Variants in EHBP1 observed in about 807,000 individuals in gnomAD.
EHBP1 encodes the protein EH domain-binding protein 1.
EHBP1 carries 55 observed loss-of-function variants against 144.0 expected under a neutral mutation model. The ratio of observed to expected loss-of-function variants is 0.38; its 90% CI spans 0.31 to 0.48. EHBP1 has a LOEUF of 0.48. Among genes scored for constraint, EHBP1 ranks in the 20% least tolerant of loss-of-function variants. The probability of loss-of-function intolerance (pLI) is 0.98; values close to 1 mark genes in which losing one functional copy is unlikely to be tolerated. For missense variants in EHBP1, 1,200 were observed against 1,364.2 expected (o/e 0.88, Z 1.90); for synonymous variants, 469 against 472.7 (o/e 0.99, Z 0.10).
chr2:62,973,310 T>C (rs1469848914), intron 14 of EHBP1, among the ~76,000 whole-genome samples: 1 of 152,264 alleles, frequency 6.6e-6, no homozygotes, highest in Non-Finnish European at 1.5e-5. Flanking sequence ...ACACTTAAAC[T>C]TAGTTGCCTG....
rs373189396 is a variant in EHBP1 at position 62,870,539 on chromosome 2, A to AC, written c.999-3799dup. Among the ~76,000 whole-genome samples the AC allele has an allele frequency of 1.1e-3, 159 of 149,742 alleles. 2 individuals are homozygous for AC. The highest frequency in any genetic ancestry group is 2.4e-3 in the African/African-American group (98 of 40,682). On this transcript the variant is annotated intron_variant, in intron 9 of 22. Coordinates refer to ENST00000431489, the MANE Select transcript of EHBP1 (RefSeq NM_001142616.3). ...AGACCAGCCTGACCAACATGGTGAG[A>AC]CCCCCCCCATCTACTAAAAATACAA... is the stretch of plus-strand genomic sequence containing the variant.
chr2:62,805,468 CTTTT>C (rs199557281), intron 5 of EHBP1, among the ~76,000 whole-genome samples: 2 of 123,798 alleles, frequency 1.6e-5, no homozygotes, highest in Non-Finnish European at 1.7e-5. Context: ...TTTGTATTTT[CTTTT>C]TTTTTTTTTT....
intron 1 of EHBP1, among the ~76,000 whole-genome samples, chr2:62,680,512 G>A (rs2033474617): frequency 6.6e-6 from 1 of 152,104 alleles, no homozygotes; most frequent in South Asian, 2.1e-4. Context: ...GAAGGGGGGA[G>A]GGGGGAAAAG....
chr2:62,830,941 T>G, intron 6 of EHBP1, 78 bp from the exon 7 acceptor site: 2 of 1,467,632 alleles, frequency 1.4e-6, no homozygotes, highest in Non-Finnish European at 1.9e-6. Context: ...AAGAAGGAAT[T>G]TATTGTTTTC....
intron 5 of EHBP1, among the ~76,000 whole-genome samples, chr2:62,785,328 G>A (rs145905135): frequency 6.8e-4 from 104 of 152,292 alleles, no homozygotes; most frequent in East Asian, 3.5e-3. Context: ...GATCAGATAG[G>A]CAACTGATTC....
Position 62,949,085 on chromosome 2 carries a change from C to G in EHBP1, c.2239C>G (p.Leu747Val), listed in dbSNP as rs554405952. 6.2e-7 allele frequency: 1 copy of G among 1,605,452 alleles called. No homozygotes were observed. The highest frequency in any genetic ancestry group is 8.5e-7 in the Non-Finnish European group (1 of 1,177,916). The change falls in exon 13 of 23, where the codon CTG becomes GTG. Residue 747 changes from leucine to valine, a missense_variant. This residue lies in a region of EHBP1 where 543 missense variants were observed against 513.1 expected (regional missense o/e 1.06). Coordinates refer to ENST00000431489, the MANE Select transcript of EHBP1 (RefSeq NM_001142616.3). ...LDLAKKKHAS[L>V]RQTESDPDAD... ...CCTTGCTAAGAAAAAACATGCTTCC[C>G]TGAGGCAGACGGAGTCTGATCCAGA...
chr2:62,805,684 G>A (rs1380644929), intron 5 of EHBP1, among the ~76,000 whole-genome samples: 1 of 151,724 alleles, frequency 6.6e-6, no homozygotes, highest in Admixed American at 6.6e-5. Context: ...CTGACTAATT[G>A]TTTTGTATTT....
chr2:63,020,682 T>C (rs1298165948), intron 19 of EHBP1, among the ~76,000 whole-genome samples: 6 of 151,756 alleles, frequency 4.0e-5, no homozygotes, highest in Admixed American at 2.6e-4. Flanking sequence ...TTCTTTCTTT[T>C]TTTTTTTGTT....
chr2:62,746,882 C>A (rs528545533), intron 2 of EHBP1, among the ~76,000 whole-genome samples: 1 of 151,974 alleles, frequency 6.6e-6, no homozygotes, highest in East Asian at 1.9e-4. Flanking sequence ...ATATACCTTG[C>A]CTATTTTTTC....
At chr2:62,876,864 G>A (rs532705276) in intron 10 of EHBP1, among the ~76,000 whole-genome samples, 2 of 152,134 alleles carry the variant, frequency 1.3e-5, no homozygotes, top group Admixed American at 6.5e-5. Flanking sequence ...TGGGAATTAC[G>A]ATTCGACATA....
At chr2:63,029,503 C>A (rs2061139388) in intron 19 of EHBP1, among the ~76,000 whole-genome samples, 1 of 150,750 alleles carries the variant, frequency 6.6e-6, no homozygotes, top group Non-Finnish European at 1.5e-5. Flanking sequence ...CCAGTTCCTG[C>A]CTCAGGGCTA....
Position 62,868,680 on chromosome 2 carries a change from G to T in EHBP1, c.998+3709G>T, listed in dbSNP as rs997833532. ...AAGAAAGGGGAGGCCAGGTGCAGTG[G>T]TTCATGCCTGTAATCTCAGCTACTC... On this transcript the variant is annotated intron_variant, in intron 9 of 22. Transcript: ENST00000431489. Among the ~76,000 whole-genome samples the T allele has an allele frequency of 4.6e-5, 7 of 152,116 alleles. 1 individual carries two copies. In the East Asian group the frequency reaches 1.2e-3, roughly 25 times the overall value.
intron 19 of EHBP1, among the ~76,000 whole-genome samples, chr2:63,030,524 A>G (rs923893489): frequency 4.6e-5 from 7 of 151,424 alleles, no homozygotes; most frequent in Non-Finnish European, 7.4e-5. Context: ...GTCTCGCTCT[A>G]TCGCCCAGGC....
intron 15 of EHBP1, among the ~76,000 whole-genome samples, chr2:62,986,425 A>G (rs1036481629): frequency 5.4e-5 from 8 of 148,400 alleles, no homozygotes; most frequent in Admixed American, 3.3e-4. Context: ...TGCATTTCTC[A>G]ATCTTGTTTC....
chr2:62,756,101 C>A (rs1321954876), intron 3 of EHBP1, among the ~76,000 whole-genome samples: 1 of 150,508 alleles, frequency 6.6e-6, no homozygotes, highest in Non-Finnish European at 1.5e-5. Context: ...TGGTGAAACC[C>A]CCTCTCTACA....
chr2:62,840,501 A>C (rs889656436), intron 7 of EHBP1, among the ~76,000 whole-genome samples: 2 of 149,724 alleles, frequency 1.3e-5, no homozygotes, highest in Non-Finnish European at 3.0e-5. Flanking sequence ...GATCTAATTA[A>C]ACTAAAGAGC....
intron 7 of EHBP1, among the ~76,000 whole-genome samples, chr2:62,836,751 G>A (rs1183619736): frequency 4.9e-5 from 7 of 141,842 alleles, no homozygotes; most frequent in African/African-American, 1.8e-4. Context: ...GATGGAAGAT[G>A]AAATGAATGA....
intron 3 of EHBP1, among the ~76,000 whole-genome samples, chr2:62,749,170 G>A (rs895993784): frequency 6.6e-6 from 1 of 151,598 alleles, no homozygotes; most frequent in Non-Finnish European, 1.5e-5. Context: ...TGTGTGTGAT[G>A]TTCCCCTTCC....
intron 5 of EHBP1, among the ~76,000 whole-genome samples, chr2:62,783,966 A>C (rs2042631034): frequency 6.6e-6 from 1 of 152,224 alleles, no homozygotes; most frequent in Non-Finnish European, 1.5e-5. Context: ...TTTGCTGCTT[A>C]GAAATTTCCT....
Sources: allele counts gnomAD v4.1 joint callset (sites outside exome capture counted in the v4.1 genomes callset), GRCh38; gene constraint gnomAD v4.1.1; regional missense constraint gnomAD v4.1.1; transcripts MANE v1.5; gene names NCBI Gene and HGNC (gene_info 2026-07-23, HGNC 2026-07-21).